B4GALT3: variants seen among roughly 807,000 people sequenced by gnomAD.
B4GALT3 encodes beta-1,4-galactosyltransferase 3, also known as N-acetyllactosamine synthase.
Under a neutral mutation model 40.7 loss-of-function variants are expected in B4GALT3, and 29 were observed. The observed-to-expected ratio is 0.71, with a 90% CI of 0.53 to 0.97. The LOEUF is 0.97. Among genes scored for constraint, B4GALT3 ranks in the 50% least tolerant of loss-of-function variants. B4GALT3 has a pLI of 0.00. For synonymous variants in B4GALT3, 182 were observed against 203.9 expected (o/e 0.89, Z 0.92); for missense variants, 390 against 522.3 (o/e 0.75, Z 2.47).
At chr1:161,175,527 G>C (rs1217278998) in intron 3 of B4GALT3, among the ~76,000 whole-genome samples, 8 of 152,040 alleles carry the variant, frequency 5.3e-5, no homozygotes, top group African/African-American at 1.9e-4. Flanking sequence ...ATTAAACCAG[G>C]GCTCATCTAC....
Position 161,173,738 on chromosome 1 carries a change from A to G in B4GALT3, c.681-11T>C. The G allele has an allele frequency of 6.2e-7, 1 of 1,614,046 alleles. No individual in the cohort carries two copies. Among genetic ancestry groups the G allele is most frequent in the Non-Finnish European group, 8.5e-7 (1 of 1,179,976 alleles). On this transcript the variant is annotated splice_polypyrimidine_tract_variant and intron_variant, in intron 5 of 7. Coordinates refer to ENST00000319769, the MANE Select transcript of B4GALT3 (RefSeq NM_003779.4). ...TGGGGGTACGGGAGGCTAGGGAGAGAAAGATCCTTGCATACCCCGAGTCTT... is the reference window on the plus strand; with the variant it reads ...TGGGGGTACGGGAGGCTAGGGAGAGGAAGATCCTTGCATACCCCGAGTCTT...
rs200772775 is a variant in B4GALT3, at chr1:161,173,826, C to T, written c.680+33G>A. The T allele has an allele frequency of 3.1e-4, 496 of 1,609,968 alleles. 1 individual carries two copies. In the African/African-American group the frequency reaches 5.8e-3, roughly 19 times the overall value. On this transcript the variant is annotated intron_variant, in intron 5 of 7. Transcript: ENST00000319769. ...CCTCCTTCCACAGGATAGTAGGCTT[C>T]CCTGTTTCCCAGTACCCTTCCATGC...
intron 2 of B4GALT3, 103 bp from the exon 3 acceptor site, chr1:161,176,177 AAGC>A: frequency 7.6e-7 from 1 of 1,317,768 alleles, no homozygotes; most frequent in Non-Finnish European, 1.0e-6. Flanking sequence ...AAAGAGGAAA[AAGC>A]AGAAAACAAA....
At chr1:161,176,697 A>G (rs937317460) in intron 1 of B4GALT3, 118 bp from the exon 2 acceptor site, 3 of 629,210 alleles carry the variant, frequency 4.8e-6, no homozygotes, top group Non-Finnish European at 8.3e-6. Flanking sequence ...GAAGAGGAGG[A>G]GCAGGAGATG....
In B4GALT3 at chr1:161,176,699, C is replaced by T. The variant is rs989058624; in HGVS notation, c.-160-120G>A. The T allele has an allele frequency of 1.5e-4, 97 of 631,634 alleles. 3 individuals are homozygous for T. The highest frequency in any genetic ancestry group is 8.8e-4 in the South Asian group (44 of 50,246). The allele number at this position is 631,634 out of a possible 1,614,324, so 39.1% of individuals were successfully genotyped here. A position where few individuals can be genotyped will look rare whatever the true frequency, so the allele number is the denominator to read the frequency against. ...AGTGGTTGGAAAGGAAGAGGAGGAG[C>T]AGGAGATGGTAGGTCCCTCGCCTAT... On this transcript the variant is annotated intron_variant, in intron 1 of 7. Coordinates refer to ENST00000319769, the MANE Select transcript of B4GALT3 (RefSeq NM_003779.4).
intron 1 of B4GALT3, chr1:161,177,151 G>C (rs928711811): frequency 2.1e-6 from 3 of 1,422,198 alleles, no homozygotes; most frequent in Non-Finnish European, 2.8e-6. Context: ...GACAGTCAGG[G>C]GTGGCTGGAA....
rs898095278 is a variant in B4GALT3 at position 161,175,056 on chromosome 1, G to A, written c.426C>T (p.Leu142=). The part of the protein sequence containing the change: ...RAREHHLRLL[L]YHLHPFLQRQ... ...GCTGCAAGAAGGGGTGCAGGTGGTA[G>A]AGCAGCAGGCGCAGGTGGTGCTCCC... Residue 142 remains leucine (L), a synonymous_variant, in exon 4 of 8, where the codon CTC becomes CTT. Coordinates refer to ENST00000319769, the MANE Select transcript of B4GALT3 (RefSeq NM_003779.4). 1.2e-6 allele frequency: 2 copies of A among 1,614,036 alleles called. No homozygotes were observed. The highest frequency in any genetic ancestry group is 2.7e-5 in the African/African-American group (2 of 74,932).
At position 161,174,987 on chromosome 1, in the gene B4GALT3, G is replaced by C. The variant is rs1337886919; in HGVS notation, c.489+6C>G. ...TCAGTCAAAATGAGGTGGAGATTGG[G>C]GGTACCTGGTGGATGACATAGATGC... On this transcript the variant is annotated splice_donor_region_variant and intron_variant, in intron 4 of 7. Coordinates refer to ENST00000319769, the MANE Select transcript of B4GALT3 (RefSeq NM_003779.4). The C allele has an allele frequency of 4.3e-6, 7 of 1,612,548 alleles. No individual in the cohort carries two copies. The highest frequency in any genetic ancestry group is 1.1e-5 in the South Asian group (1 of 90,944).
rs937744963 is a variant in B4GALT3 at position 161,176,836 on chromosome 1, T to A, written c.-160-257A>T. Reference sequence around the variant, plus strand: ...GGGACAGGACAGCTAATGGAAACATTGTTTTCCCCCAGACCAAGAACCAGT... The same window carrying A: ...GGGACAGGACAGCTAATGGAAACATAGTTTTCCCCCAGACCAAGAACCAGT... On this transcript the variant is annotated intron_variant, in intron 1 of 7. Coordinates refer to ENST00000319769, the MANE Select transcript of B4GALT3 (RefSeq NM_003779.4). 14 of 1,532,942 alleles carry A rather than the reference T, an allele frequency of 9.1e-6. No individual in the cohort carries two copies. The African/African-American group carries it at 1.5e-4, about 17-fold the overall frequency. The allele number at this position is 1,532,942 out of a possible 1,614,324, so 95.0% of individuals were successfully genotyped here.
chr1:161,177,052 C>T, intron 1 of B4GALT3: 1 of 1,535,924 alleles, frequency 6.5e-7, no homozygotes, highest in Non-Finnish European at 8.7e-7. Context: ...GGGTGGCGTC[C>T]TCTACCTTTT....
intron 3 of B4GALT3, among the ~76,000 whole-genome samples, chr1:161,175,430 C>T (rs1663134636): frequency 6.6e-6 from 1 of 152,084 alleles, no homozygotes. Context: ...CTTACCTAGC[C>T]TTCTCTTCTT....
intron 4 of B4GALT3, 76 bp downstream of exon 4, chr1:161,174,916 AG>A (rs1662912370): frequency 1.9e-5 from 28 of 1,450,376 alleles, no homozygotes; most frequent in Non-Finnish European, 2.7e-5. Context: ...GGACCCATTT[AG>A]ATGAAAGTGA....
intron 3 of B4GALT3, 101 bp from the exon 4 acceptor site, chr1:161,175,329 G>A: frequency 9.5e-7 from 1 of 1,048,748 alleles, no homozygotes; most frequent in South Asian, 1.4e-5. Context: ...CTGGTTCTGG[G>A]GCTTAGTTCT....
At chr1:161,172,164 G>A in intron 7 of B4GALT3, 63 bp downstream of exon 7, 2 of 1,611,982 alleles carry the variant, frequency 1.2e-6, no homozygotes, top group Non-Finnish European at 1.7e-6. Context: ...GATTTTCCTG[G>A]CTAGGGGTAC....
chr1:161,173,963 G>A lies in B4GALT3; in HGVS notation c.576C>T (p.Phe192=), dbSNP rs199582443. The A allele has an allele frequency of 6.2e-7, 1 of 1,614,158 alleles. No homozygotes were observed. The highest frequency in any genetic ancestry group is 8.5e-7 in the Non-Finnish European group (1 of 1,180,028). The change falls in exon 5 of 8, where the codon TTC becomes TTT. Residue 192 remains phenylalanine, a synonymous_variant. Coordinates refer to ENST00000319769, the MANE Select transcript of B4GALT3 (RefSeq NM_003779.4). ...ALRDEEWDCL[F]LHDVDLLPEN... ...CTGGCAAGAGGTCCACATCGTGCAA[G>A]AACAGGCAGTCCCACTCTTCATCAC...
At position 161,177,420 on chromosome 1, in the gene B4GALT3, T is replaced by C. The variant is rs1043217337; in HGVS notation, c.-161+3A>G. On this transcript the variant is annotated splice_donor_region_variant and intron_variant, in intron 1 of 7. Coordinates refer to ENST00000319769, the MANE Select transcript of B4GALT3 (RefSeq NM_003779.4). ...CGTGTCGACGCATTCCCAGCGCACATACCTGGTCTTTTGCTGCCTGTCGTC... is the reference window on the plus strand; with the variant it reads ...CGTGTCGACGCATTCCCAGCGCACACACCTGGTCTTTTGCTGCCTGTCGTC... The C allele has an allele frequency of 1.5e-5, 3 of 205,194 alleles. No individual in the cohort carries two copies. The highest frequency in any genetic ancestry group is 3.0e-5 in the Non-Finnish European group (3 of 99,244). The allele number at this position is 205,194 out of a possible 1,614,324, so 12.7% of individuals were successfully genotyped here.
chr1:161,177,955 T>G (rs1004470916), upstream of B4GALT3: 1 of 152,236 alleles, frequency 6.6e-6, no homozygotes, highest in Non-Finnish European at 1.5e-5. Context: ...GTATTCCCGT[T>G]GTATCCCGCA....
chr1:161,173,618 C>T lies in B4GALT3; in HGVS notation c.790G>A (p.Asp264Asn), dbSNP rs776066366. The T allele has an allele frequency of 5.0e-6, 8 of 1,613,906 alleles. No individual in the cohort carries two copies. The highest frequency in any genetic ancestry group is 2.7e-5 in the African/African-American group (2 of 74,884). The stretch of plus-strand genomic sequence containing the variant: ...AGGAAGTCTGACCTGGTAGCAATGT[C>T]GTCATCCTCACCACCCCAGCCCCAG... ...EYWGWGGEDDDIATRVRLAGM... is the reference protein window; with the variant it reads ...EYWGWGGEDDNIATRVRLAGM... The change falls in exon 6 of 8, where the codon GAC becomes AAC. Residue 264 changes from aspartate (D) to asparagine (N), a missense_variant. By Grantham distance (23) the Asp-to-Asn change is conservative (BLOSUM62 1). Coordinates refer to ENST00000319769, the MANE Select transcript of B4GALT3 (RefSeq NM_003779.4).
At position 161,173,142 on chromosome 1, in the gene B4GALT3, C is replaced by T. The variant is rs1213423276; in HGVS notation, c.803+463G>A. Reference sequence around the variant, plus strand: ...CAAGCCCAAATATTCATACCACAGACATGAAATTGGGTCAGCTGAGGCTGA... The same window carrying T: ...CAAGCCCAAATATTCATACCACAGATATGAAATTGGGTCAGCTGAGGCTGA... On this transcript the variant is annotated intron_variant, in intron 6 of 7. Coordinates refer to ENST00000319769, the MANE Select transcript of B4GALT3 (RefSeq NM_003779.4). 3.3e-5 allele frequency among the ~76,000 whole-genome samples: 5 copies of T among 152,212 alleles called. No homozygotes were observed. The East Asian group carries it at 9.6e-4, about 29-fold the overall frequency.
Sources: allele counts gnomAD v4.1 joint callset (sites outside exome capture counted in the v4.1 genomes callset), GRCh38; gene constraint gnomAD v4.1.1; transcripts MANE v1.5; gene names NCBI Gene and HGNC (gene_info 2026-07-23, HGNC 2026-07-21).